The following HOGA1 variants were observed in gnomAD, a reference collection of about 807,000 sequenced individuals.
The protein encoded by HOGA1 is 4-hydroxy-2-oxoglutarate aldolase, mitochondrial.
A neutral mutation model predicts 34.3 loss-of-function variants in HOGA1; 30 were observed. The observed-to-expected ratio is 0.87, with a 90% CI of 0.65 to 1.19. The LOEUF (loss-of-function observed/expected upper bound fraction) is 1.19, where lower values mean the gene tolerates loss of function less well. HOGA1 is among the 50% of genes most tolerant of loss of function. HOGA1 has a pLI of 0.00. For missense variants in HOGA1, 417 were observed against 436.5 expected (o/e 0.96, Z 0.40); for synonymous variants, 161 against 174.0 (o/e 0.93, Z 0.59).
Position 97,611,933 on chromosome 10 carries a change from G to A in HOGA1, c.*274G>A. 4.0e-6 allele frequency: 2 copies of A among 499,288 alleles called. No homozygotes were observed. The highest frequency in any genetic ancestry group is 7.2e-6 in the Non-Finnish European group (2 of 277,364). 30.9% of individuals were successfully genotyped at this position (499,288 alleles called of 1,614,324 possible). A position where few individuals can be genotyped will look rare whatever the true frequency, so the allele number is the denominator to read the frequency against. ...CAATTTCTCAATTTATCTTTCTACTGTGGATGCTTTCCTACGCCCTGAGGC... is the reference window on the plus strand; with the variant it reads ...CAATTTCTCAATTTATCTTTCTACTATGGATGCTTTCCTACGCCCTGAGGC... On this transcript the variant is annotated 3_prime_UTR_variant, in exon 7 of 7. Coordinates refer to ENST00000370646, the MANE Select transcript of HOGA1 (RefSeq NM_138413.4).
chr10:97,589,064 G>T (rs907663034), intron 1 of HOGA1, among the ~76,000 whole-genome samples: 1 of 152,116 alleles, frequency 6.6e-6, no homozygotes, highest in African/African-American at 2.4e-5. Flanking sequence ...AAGGCAAGAG[G>T]TAGCAGCTAC....
chr10:97,597,387 C>T (rs2041079651), intron 1 of HOGA1, among the ~76,000 whole-genome samples: 2 of 151,556 alleles, frequency 1.3e-5, no homozygotes, highest in South Asian at 4.2e-4. Context: ...AAACTACTGC[C>T]ATTTTTTTTT....
chr10:97,603,149 G>A lies in HOGA1; in HGVS notation c.834+1159G>A, dbSNP rs533874523. ...CCCTAGTAGCTGGGATTACAGGCAC[G>A]TGCCACCATACCCGGATAATTTTTT... On this transcript the variant is annotated intron_variant, in intron 6 of 6. Transcript: ENST00000370646. This position sits in a 1 kb window ranked among gnomAD's most constrained non-coding sequence, Gnocchi z 4.5. Among the ~76,000 whole-genome samples, 2 of 152,050 alleles carry A rather than the reference G, an allele frequency of 1.3e-5. No homozygotes were observed. Among genetic ancestry groups the A allele is most frequent in the African/African-American group, 2.4e-5 (1 of 41,506 alleles).
rs948015722 is a variant in HOGA1 at position 97,584,926 on chromosome 10, T to G, written c.211+12T>G. On this transcript the variant is annotated intron_variant, in intron 1 of 6. Coordinates refer to ENST00000370646, the MANE Select transcript of HOGA1 (RefSeq NM_138413.4). ...CTTCCCCTTCCGAGGTAAGTGGGGCTGTCCTCTGTGGGACCTGGGGAGATG... is the reference window on the plus strand; with the variant it reads ...CTTCCCCTTCCGAGGTAAGTGGGGCGGTCCTCTGTGGGACCTGGGGAGATG... 3.4e-5 allele frequency: 55 copies of G among 1,611,590 alleles called. No individual in the cohort carries two copies. The highest frequency in any genetic ancestry group is 4.7e-5 in the Non-Finnish European group (55 of 1,178,060).
At chr10:97,601,115 A>G (rs919396770) in intron 5 of HOGA1, among the ~76,000 whole-genome samples, 9 of 152,180 alleles carry the variant, frequency 5.9e-5, no homozygotes, top group Non-Finnish European at 1.0e-4. Context: ...ATGCTGCTGT[A>G]GCGCGCCTGG....
intron 1 of HOGA1, chr10:97,590,950 C>G (rs967639969): frequency 1.7e-4 from 39 of 228,248 alleles, no homozygotes; most frequent in Admixed American, 5.2e-5. Context: ...AGTCCAGGGG[C>G]TCTGTGGGCA....
At chr10:97,609,644 C>G (rs2041181484) in intron 6 of HOGA1, among the ~76,000 whole-genome samples, 1 of 152,220 alleles carries the variant, frequency 6.6e-6, no homozygotes, top group Admixed American at 6.5e-5. Flanking sequence ...CCTCCTGCCC[C>G]TGGCTATATT....
At chr10:97,602,335 A>C in intron 6 of HOGA1, 7 of 1,231,778 alleles carry the variant, frequency 5.7e-6, no homozygotes, top group Non-Finnish European at 7.2e-6. Context: ...GGAGAGAAAG[A>C]GTGTAAACCA....
intron 6 of HOGA1, among the ~76,000 whole-genome samples, chr10:97,605,717 A>T (rs899428801): frequency 6.6e-6 from 1 of 151,944 alleles, no homozygotes; most frequent in African/African-American, 2.4e-5. Flanking sequence ...TCATGTATTT[A>T]TTTGCTATCT....
At chr10:97,594,635 G>T (rs571408238) in intron 1 of HOGA1, among the ~76,000 whole-genome samples, 1 of 152,136 alleles carries the variant, frequency 6.6e-6, no homozygotes, top group South Asian at 2.1e-4. Flanking sequence ...TCACAAGTGT[G>T]AACCATTGTG....
chr10:97,597,082 A>C (rs555481817), intron 1 of HOGA1, among the ~76,000 whole-genome samples: 20 of 146,466 alleles, frequency 1.4e-4, no homozygotes, highest in Non-Finnish European at 2.1e-4. Context: ...CCTTATTTTC[A>C]TTTCCTTCTC....
intron 5 of HOGA1, among the ~76,000 whole-genome samples, chr10:97,601,443 G>T (rs909077717): frequency 6.6e-6 from 1 of 152,140 alleles, no homozygotes; most frequent in African/African-American, 2.4e-5. Context: ...CCACTGGGGG[G>T]AATAAAATTT....
intron 6 of HOGA1, among the ~76,000 whole-genome samples, chr10:97,602,976 G>A (rs528018324): frequency 3.3e-5 from 5 of 152,232 alleles, no homozygotes; most frequent in African/African-American, 9.6e-5. Flanking sequence ...ACAGGCGTAA[G>A]CCACAGTGCC....
intron 5 of HOGA1, 95 bp downstream of exon 5, chr10:97,600,258 T>G (rs775790008): frequency 9.7e-5 from 103 of 1,058,182 alleles, no homozygotes; most frequent in Non-Finnish European, 1.5e-4. Flanking sequence ...TGGGGCTGGG[T>G]CTGCAGATGG....
chr10:97,605,858 A>T (rs1234045262), intron 6 of HOGA1, among the ~76,000 whole-genome samples: 1 of 152,162 alleles, frequency 6.6e-6, no homozygotes, highest in Non-Finnish European at 1.5e-5. Flanking sequence ...GCTTGTAAAT[A>T]TCTTTTCCCA....
intron 1 of HOGA1, chr10:97,590,205 C>T: frequency 1.9e-6 from 3 of 1,613,922 alleles, no homozygotes; most frequent in South Asian, 2.2e-5. Flanking sequence ...ACATCTGGGC[C>T]CTCAGTGATC....
intron 6 of HOGA1, among the ~76,000 whole-genome samples, chr10:97,609,261 C>T (rs1313413308): frequency 2.0e-5 from 3 of 152,130 alleles, no homozygotes; most frequent in Non-Finnish European, 2.9e-5. Context: ...GGAAACGGAG[C>T]GGCTTCCAGG....
chr10:97,602,475 C>T (rs1184562681), intron 6 of HOGA1: 1 of 985,224 alleles, frequency 1.0e-6, no homozygotes, highest in African/African-American at 1.7e-5. Context: ...ACTGTATACC[C>T]CAATTCTTTG....
intron 6 of HOGA1, among the ~76,000 whole-genome samples, chr10:97,607,630 GTCT>G (rs2041166988): frequency 6.6e-6 from 1 of 152,072 alleles, no homozygotes; most frequent in Non-Finnish European, 1.5e-5. Flanking sequence ...GCCTTCCAGA[GTCT>G]TCTTATGTCT....
Sources: allele counts gnomAD v4.1 joint callset (sites outside exome capture counted in the v4.1 genomes callset), GRCh38; gene constraint gnomAD v4.1.1; non-coding constraint Gnocchi (gnomAD v3.1); transcripts MANE v1.5; gene names NCBI Gene and HGNC (gene_info 2026-07-23, HGNC 2026-07-21).